SMARCAD1: variants seen among roughly 807,000 people sequenced by gnomAD.
SMARCAD1 encodes the protein SWI/SNF-related matrix-associated actin-dependent regulator of chromatin subfamily A containing DEAD/H box 1.
A neutral mutation model predicts 127.1 loss-of-function variants in SMARCAD1; 25 were observed. The ratio of observed to expected loss-of-function variants is 0.20; its 90% CI spans 0.14 to 0.27. SMARCAD1 has a LOEUF of 0.27. SMARCAD1 is among the 10% of genes least tolerant of loss of function. The pLI is 1.00. For missense variants in SMARCAD1, 807 were observed against 1,206.0 expected, an observed-to-expected ratio of 0.67 and a Z score of 4.90; for synonymous variants, 400 against 396.9, an observed-to-expected ratio of 1.01 and a Z score of -0.09.
intron 7 of SMARCAD1, among the ~76,000 whole-genome samples, chr4:94,250,170 TAGTG>T (rs1020691218): frequency 1.2e-4 from 18 of 151,882 alleles, no homozygotes; most frequent in African/African-American, 2.2e-4. Context: ...ACTTCCCAGA[TAGTG>T]AGAATGTTTT....
intron 21 of SMARCAD1, 29 bp from the exon 22 acceptor site, chr4:94,283,092 A>C: frequency 1.3e-6 from 2 of 1,578,804 alleles, no homozygotes; most frequent in Non-Finnish European, 1.7e-6. Flanking sequence ...CTTTTTAGTG[A>C]GATTTAACCT....
At chr4:94,282,897 T>C (rs1015456387) in intron 21 of SMARCAD1, among the ~76,000 whole-genome samples, 1 of 152,136 alleles carries the variant, frequency 6.6e-6, no homozygotes, top group African/African-American at 2.4e-5. Flanking sequence ...TGAATCTGAA[T>C]AGTTGAATTG....
chr4:94,264,732 G>A lies in SMARCAD1; in HGVS notation c.1307G>A (p.Gly436Asp). 6.2e-7 allele frequency: 1 copy of A among 1,611,962 alleles called. No homozygotes were observed. The highest frequency in any genetic ancestry group is 8.5e-7 in the Non-Finnish European group (1 of 1,178,822). The part of the protein sequence containing the change: ...ALFTKMSKTN[G>D]LSEDLIWHCK... ...TTCACAAAGATGTCCAAAACTAATG[G>A]CTTATCAGAAGATTTGATATGGCAC... Residue 436 changes from glycine to aspartate, a missense_variant, in exon 10 of 24, where the codon GGC becomes GAC. This residue lies in a region of SMARCAD1 where 257 missense variants were observed against 303.4 expected (regional missense o/e 0.85). Coordinates refer to ENST00000354268, the MANE Select transcript of SMARCAD1 (RefSeq NM_020159.5).
In SMARCAD1 at chr4:94,208,560, G is replaced by A. The variant is rs1442018532; in HGVS notation, c.166G>A (p.Asp56Asn). The A allele has an allele frequency of 6.2e-7, 1 of 1,614,042 alleles. No homozygotes were observed. Among genetic ancestry groups the A allele is most frequent in the Non-Finnish European group, 8.5e-7 (1 of 1,179,982 alleles). The change falls in exon 2 of 24, where the codon GAT (aspartate) becomes AAT (asparagine). Residue 56 changes from aspartate (D) to asparagine (N), a missense_variant. Asp to Asn is a conservative substitution (Grantham distance 23, BLOSUM62 1). This residue lies in a region of SMARCAD1 where 175 missense variants were observed against 169.5 expected (regional missense o/e 1.03). Transcript: ENST00000354268. ...EGEVSRANTP[D>N]SDITEKTEDS... Reference sequence around the variant, plus strand: ...GGAAGTTAGCAGGGCAAACACTCCTGATTCAGATATAACTGAAAAAACAGG... The same window carrying A: ...GGAAGTTAGCAGGGCAAACACTCCTAATTCAGATATAACTGAAAAAACAGG...
intron 21 of SMARCAD1, among the ~76,000 whole-genome samples, chr4:94,282,092 G>GTTTTTTTTTTTTTTTT (rs144409121): frequency 9.0e-6 from 1 of 110,984 alleles, no homozygotes; most frequent in Non-Finnish European, 1.7e-5. Flanking sequence ...ATGCAAATAC[G>GTTTTTTTTTTTTTTTT]TTTTTTTGTT....
At chr4:94,256,157 T>C (rs188032525) in intron 9 of SMARCAD1, among the ~76,000 whole-genome samples, 29 of 152,312 alleles carry the variant, frequency 1.9e-4, no homozygotes, top group Admixed American at 7.2e-4. Context: ...AGAGTAGTAA[T>C]GTTTTTATGC....
chr4:94,211,876 A>G (rs1361511338), intron 2 of SMARCAD1, among the ~76,000 whole-genome samples: 1 of 151,708 alleles, frequency 6.6e-6, no homozygotes, highest in Non-Finnish European at 1.5e-5. Context: ...TGAAATAGCC[A>G]CCCACCCCAG....
intron 8 of SMARCAD1, among the ~76,000 whole-genome samples, chr4:94,251,975 C>T (rs1419532576): frequency 6.6e-6 from 1 of 152,176 alleles, no homozygotes; most frequent in Non-Finnish European, 1.5e-5. Context: ...CCTCAGCCTT[C>T]TGAGTAGCTG....
chr4:94,246,056 T>C lies in SMARCAD1; in HGVS notation c.706-3598T>C, dbSNP rs192390042. ...ACCCAAGTGGCGGAGTACCTTGTAT[T>C]GCACTCTGGACCTGGTACAGAGCCG... On this transcript the variant is annotated intron_variant, in intron 6 of 23. Transcript: ENST00000354268. 9.2e-5 allele frequency among the ~76,000 whole-genome samples: 14 copies of C among 151,990 alleles called. No individual in the cohort carries two copies. In the East Asian group the frequency reaches 2.7e-3, roughly 29 times the overall value.
chr4:94,219,701 G>A (rs1743789313), intron 2 of SMARCAD1, among the ~76,000 whole-genome samples: 1 of 152,150 alleles, frequency 6.6e-6, no homozygotes, highest in African/African-American at 2.4e-5. Flanking sequence ...AAACAAGTTA[G>A]CTTTTCCTAT....
At chr4:94,224,722 C>T (rs1744731955) in intron 2 of SMARCAD1, among the ~76,000 whole-genome samples, 1 of 152,150 alleles carries the variant, frequency 6.6e-6, no homozygotes, top group African/African-American at 2.4e-5. Context: ...TAGGGTATAA[C>T]AGTTTAGACT....
Position 94,207,985 on chromosome 4 carries a change from C to T in SMARCAD1, c.-135C>T. 2.7e-6 allele frequency: 1 copy of T among 375,816 alleles called. No homozygotes were observed. Among genetic ancestry groups the T allele is most frequent in the Non-Finnish European group, 5.2e-6 (1 of 191,624 alleles). The allele number at this position is 375,816 out of a possible 1,614,324, so 23.3% of individuals were successfully genotyped here. On this transcript the variant is annotated 5_prime_UTR_variant, in exon 1 of 24. Coordinates refer to ENST00000354268, the MANE Select transcript of SMARCAD1 (RefSeq NM_020159.5). The stretch of plus-strand genomic sequence containing the variant: ...GCAGGTCCTTTCTCGAGGCAGGGGG[C>T]ACGGTAGCACAGGGAGCTTCTCTTT...
intron 23 of SMARCAD1, 146 bp from the exon 24 acceptor site, chr4:94,289,327 A>G (rs1755395766): frequency 5.9e-6 from 4 of 679,808 alleles, no homozygotes; most frequent in Non-Finnish European, 1.0e-5. Flanking sequence ...AGCTTAGGAA[A>G]GTTTTTAACA....
chr4:94,277,274 T>A, intron 16 of SMARCAD1, 115 bp downstream of exon 16: 1 of 1,185,630 alleles, frequency 8.4e-7, no homozygotes, highest in Non-Finnish European at 1.2e-6. Context: ...GAAGTAACTT[T>A]AAGTAGGTGA....
intron 4 of SMARCAD1, among the ~76,000 whole-genome samples, chr4:94,236,697 T>C (rs1277759452): frequency 2.0e-5 from 3 of 152,144 alleles, no homozygotes; most frequent in African/African-American, 7.2e-5. Context: ...ACTGTATATA[T>C]GTGATTGTGT....
intron 9 of SMARCAD1, 70 bp downstream of exon 9, chr4:94,253,077 A>G (rs1749522727): frequency 1.9e-6 from 3 of 1,598,850 alleles, no homozygotes; most frequent in Admixed American, 1.7e-5. Context: ...GTTATAGTCA[A>G]GTTGTCTTCA....
chr4:94,284,309 G>T (rs79179156), intron 22 of SMARCAD1, among the ~76,000 whole-genome samples: 5 of 130,718 alleles, frequency 3.8e-5, no homozygotes, highest in African/African-American at 1.5e-4. Flanking sequence ...CCTGGGTGAC[G>T]GAGCAAGACT....
intron 3 of SMARCAD1, among the ~76,000 whole-genome samples, chr4:94,226,507 ATTTTTTTT>A (rs60198579): frequency 8.9e-6 from 1 of 112,990 alleles, no homozygotes; most frequent in Non-Finnish European, 1.8e-5. Flanking sequence ...GATAACAGTG[ATTTTTTTT>A]TTTTTTTTTT....
At chr4:94,220,219 T>C (rs998557882) in intron 2 of SMARCAD1, among the ~76,000 whole-genome samples, 1 of 152,176 alleles carries the variant, frequency 6.6e-6, no homozygotes, top group Non-Finnish European at 1.5e-5. Context: ...TATGTTGATA[T>C]ATTATAAACG....
Sources: gnomAD v4.1 joint callset for allele counts (sites outside exome capture counted in the v4.1 genomes callset) on GRCh38, gnomAD v4.1.1 for gene constraint, gnomAD v4.1.1 regional missense constraint, MANE v1.5 for transcripts, NCBI Gene and HGNC (gene_info 2026-07-23, HGNC 2026-07-21) for gene names.